TBC1D10A: variants seen among roughly 807,000 people sequenced by gnomAD.
TBC1D10A encodes TBC1 domain family member 10A, also known as EBP50-PDX interactor of 64 kDa.
Under a neutral mutation model 52.9 loss-of-function variants are expected in TBC1D10A, and 24 were observed. The ratio of observed to expected loss-of-function variants is 0.45; its 90% CI spans 0.33 to 0.64. The LOEUF (loss-of-function observed/expected upper bound fraction) is 0.64, where lower values mean the gene tolerates loss of function less well. TBC1D10A is among the 30% of genes least tolerant of loss of function. The pLI, the probability that TBC1D10A is intolerant of heterozygous loss-of-function variation, is 0.02. For missense variants in TBC1D10A, 602 were observed against 687.9 expected (o/e 0.88, Z 1.40); for synonymous variants, 278 against 282.9 (o/e 0.98, Z 0.17).
chr22:30,299,738 G>A (rs1399412222), intron 2 of TBC1D10A, 187 bp from the exon 3 acceptor site: 30 of 486,484 alleles, frequency 6.2e-5, no homozygotes, highest in East Asian at 3.9e-4. Flanking sequence ...AGGCCGAGGC[G>A]GGTGGATCAC....
intron 1 of TBC1D10A, among the ~76,000 whole-genome samples, chr22:30,322,574 TC>T (rs1207246822): frequency 7.2e-6 from 1 of 138,228 alleles, no homozygotes; most frequent in Non-Finnish European, 1.6e-5. Context: ...CTGATGGCCA[TC>T]TCTAAGGTCA....
intron 1 of TBC1D10A, among the ~76,000 whole-genome samples, chr22:30,305,104 C>T (rs1601673975): frequency 1.3e-5 from 2 of 152,184 alleles, no homozygotes; most frequent in Admixed American, 6.5e-5. Flanking sequence ...CCAATTATGC[C>T]CTGGCCCTTT....
At chr22:30,317,585 T>C (rs1930566078) in intron 1 of TBC1D10A, among the ~76,000 whole-genome samples, 1 of 152,172 alleles carries the variant, frequency 6.6e-6, no homozygotes, top group African/African-American at 2.4e-5. Flanking sequence ...CAATCCTTTG[T>C]ATACAACCAC....
intron 1 of TBC1D10A, among the ~76,000 whole-genome samples, chr22:30,305,914 G>A (rs933383903): frequency 6.6e-6 from 1 of 152,178 alleles, no homozygotes; most frequent in Admixed American, 6.5e-5. Context: ...TTGAACTGCT[G>A]CCCCTCTCAC....
rs2145758646 is a variant in TBC1D10A at position 30,292,030 on chromosome 22, T to C, written c.*345A>G. The C allele has an allele frequency of 4.0e-6, 1 of 252,538 alleles. No individual in the cohort carries two copies. The highest frequency in any genetic ancestry group is 2.2e-5 in the African/African-American group (1 of 45,112). The allele number at this position is 252,538 out of a possible 1,614,324, so 15.6% of individuals were successfully genotyped here. On this transcript the variant is annotated 3_prime_UTR_variant, in exon 9 of 9. Transcript: ENST00000215790. ...GTTTATTTCTGTACAAAACCATGTT[T>C]CTATTTTACACAAAGAACACCCCAC... is the stretch of plus-strand genomic sequence containing the variant.
At chr22:30,316,021 T>C (rs1260913597) in intron 1 of TBC1D10A, among the ~76,000 whole-genome samples, 1 of 152,148 alleles carries the variant, frequency 6.6e-6, no homozygotes, top group Non-Finnish European at 1.5e-5. Context: ...TTGGTTTCCT[T>C]ATCAGGAAAC....
chr22:30,306,297 G>A (rs1362447898), intron 1 of TBC1D10A, among the ~76,000 whole-genome samples: 1 of 152,200 alleles, frequency 6.6e-6, no homozygotes, highest in Non-Finnish European at 1.5e-5. Context: ...TTTCACTTGA[G>A]ATTACCAGTT....
intron 2 of TBC1D10A, chr22:30,300,428 G>A (rs1238933172): frequency 2.0e-5 from 3 of 149,150 alleles, no homozygotes; most frequent in African/African-American, 7.4e-5. Flanking sequence ...CAGCCGGGGC[G>A]ACAGACCGAG....
At chr22:30,318,057 A>G (rs1274439948) in intron 1 of TBC1D10A, among the ~76,000 whole-genome samples, 1 of 152,078 alleles carries the variant, frequency 6.6e-6, no homozygotes. Flanking sequence ...TAAAATCCAC[A>G]TTTCCAGCCA....
At chr22:30,312,899 T>C (rs1569163226) in intron 1 of TBC1D10A, among the ~76,000 whole-genome samples, 1 of 152,140 alleles carries the variant, frequency 6.6e-6, no homozygotes, top group Non-Finnish European at 1.5e-5. Flanking sequence ...TCCCTGCCCT[T>C]GAGGAGGTCA....
At chr22:30,302,161 G>T (rs142869019) in intron 2 of TBC1D10A, among the ~76,000 whole-genome samples, 1 of 152,220 alleles carries the variant, frequency 6.6e-6, no homozygotes, top group Non-Finnish European at 1.5e-5. Context: ...GCTGGAGGGG[G>T]TCATCTCTAC....
chr22:30,322,895 T>G (rs1930687164), intron 1 of TBC1D10A, among the ~76,000 whole-genome samples: 1 of 81,590 alleles, frequency 1.2e-5, no homozygotes, highest in Non-Finnish European at 2.8e-5. Flanking sequence ...GCACCTAGTC[T>G]TTTTTTTTTT....
At position 30,295,835 on chromosome 22, in the gene TBC1D10A, G is replaced by C; in HGVS notation, c.426C>G (p.Asp142Glu). Reference sequence around the variant, plus strand: ...GCCACTTGGGGTCCCCAGGGGACATGTCCAGCTCCTAGAAGCAAGGGCACA... The same window carrying C: ...GCCACTTGGGGTCCCCAGGGGACATCTCCAGCTCCTAGAAGCAAGGGCACA... ...QQNPGKFDEL[D>E]MSPGDPKWLD... Residue 142 changes from aspartate (D) to glutamate (E), a missense_variant, in exon 4 of 9, where the codon GAC becomes GAG. This residue lies in a region of TBC1D10A where 201 missense variants were observed against 204.4 expected (regional missense o/e 0.98). Transcript: ENST00000215790. 1.2e-6 allele frequency: 2 copies of C among 1,613,134 alleles called. No homozygotes were observed. The highest frequency in any genetic ancestry group is 1.7e-6 in the Non-Finnish European group (2 of 1,179,546).
chr22:30,326,047 G>A (rs1930763933), intron 1 of TBC1D10A, among the ~76,000 whole-genome samples: 2 of 152,026 alleles, frequency 1.3e-5, no homozygotes, highest in African/African-American at 2.4e-5. Context: ...ATGAGGAGAA[G>A]GGACTGTCTG....
rs920846864 is a variant in TBC1D10A, at chr22:30,304,262, G to A, written c.309+269C>T. On this transcript the variant is annotated intron_variant, in intron 2 of 8. Coordinates refer to ENST00000215790, the MANE Select transcript of TBC1D10A (RefSeq NM_031937.3). ...AGTCCTTCCCCTGGGAAGGCTAGAA[G>A]AAAGCTGTGTTATGGCTGTTGGCTA... Among the ~76,000 whole-genome samples the A allele has an allele frequency of 7.9e-5, 12 of 152,334 alleles. 1 individual carries two copies. Among genetic ancestry groups the A allele is most frequent in the African/African-American group, 2.6e-4 (11 of 41,582 alleles).
At chr22:30,312,797 C>A (rs1216757913) in intron 1 of TBC1D10A, among the ~76,000 whole-genome samples, 1 of 152,192 alleles carries the variant, frequency 6.6e-6, no homozygotes, top group Non-Finnish European at 1.5e-5. Context: ...ACTCCAGGGA[C>A]AGAACACAAT....
chr22:30,301,123 C>T (rs1054691501), intron 2 of TBC1D10A, among the ~76,000 whole-genome samples: 2 of 152,146 alleles, frequency 1.3e-5, no homozygotes, highest in Non-Finnish European at 2.9e-5. Context: ...CTAGCTGCAC[C>T]GCACAGGCTG....
intron 1 of TBC1D10A, among the ~76,000 whole-genome samples, chr22:30,315,702 C>T (rs1168437033): frequency 6.6e-6 from 1 of 152,196 alleles, no homozygotes; most frequent in Non-Finnish European, 1.5e-5. Context: ...AGGAGTTCTC[C>T]GAACTTATGC....
At chr22:30,298,256 G>A (rs1930125940) in intron 3 of TBC1D10A, 1 of 152,234 alleles carries the variant, frequency 6.6e-6, no homozygotes, top group African/African-American at 2.4e-5. Flanking sequence ...TGCCCAGGAT[G>A]CGGCCCCTCG....
Sources: allele counts gnomAD v4.1 joint callset (sites outside exome capture counted in the v4.1 genomes callset), GRCh38; gene constraint gnomAD v4.1.1; regional missense constraint gnomAD v4.1.1; transcripts MANE v1.5; gene names NCBI Gene and HGNC (gene_info 2026-07-23, HGNC 2026-07-21).